The following CMYA5 variants were observed in gnomAD, a reference collection of about 807,000 sequenced individuals.
The protein encoded by CMYA5 is cardiomyopathy-associated protein 5.
Under a neutral mutation model 318.9 loss-of-function variants are expected in CMYA5, and 246 were observed. That is an observed-to-expected ratio of 0.77 (90% CI 0.70 to 0.86). The LOEUF (loss-of-function observed/expected upper bound fraction) is 0.86, where lower values mean the gene tolerates loss of function less well. Ranked by LOEUF, CMYA5 falls within the 40% of genes least tolerant of loss-of-function variation. The pLI is 0.00. For synonymous variants in CMYA5, 1,641 were observed against 1,729.5 expected (o/e 0.95, Z 1.27); for missense variants, 4,589 against 4,678.2 (o/e 0.98, Z 0.56).
At chr5:79,742,193 T>A (rs1828230145) in intron 2 of CMYA5, among the ~76,000 whole-genome samples, 1 of 147,100 alleles carries the variant, frequency 6.8e-6, no homozygotes, top group African/African-American at 2.5e-5. Context: ...TTCTTCCTTT[T>A]TTCTTCTTTC....
At chr5:79,703,550 GGT>G (rs1160855199) in intron 1 of CMYA5, among the ~76,000 whole-genome samples, 7 of 152,140 alleles carry the variant, frequency 4.6e-5, no homozygotes, top group Non-Finnish European at 8.8e-5. Context: ...GTATGCCTAG[GGT>G]AATCCTCCTT....
Position 79,763,178 on chromosome 5 carries a change from AGACAGCACTCTCCTGAGGGAGAG to A in CMYA5, c.11526_11548del (p.Gln3843ProfsTer15). Reference sequence around the variant, plus strand: ...GGAGACCTACACTCTGGAGTACTGCAGACAGCACTCTCCTGAGGGAGAGGGCCTCAGGTGAGGGGCCCTCTCCA... The same window carrying A: ...GGAGACCTACACTCTGGAGTACTGCAGGCCTCAGGTGAGGGGCCCTCTCCA... On this transcript the variant is annotated frameshift_variant, in exon 9 of 13. Transcript: ENST00000446378. LOFTEE classifies it high-confidence loss of function. 1 of 1,611,026 alleles carries A rather than the reference AGACAGCACTCTCCTGAGGGAGAG, an allele frequency of 6.2e-7. No individual in the cohort carries two copies. The highest frequency in any genetic ancestry group is 8.5e-7 in the Non-Finnish European group (1 of 1,178,986).
intron 9 of CMYA5, among the ~76,000 whole-genome samples, chr5:79,788,202 G>A (rs936527028): frequency 1.3e-5 from 2 of 149,332 alleles, no homozygotes; most frequent in South Asian, 2.1e-4. Flanking sequence ...TAAAGAAAGA[G>A]CCCTGCTTGC....
chr5:79,754,782 T>A (rs1314440796), intron 6 of CMYA5, among the ~76,000 whole-genome samples: 1 of 152,126 alleles, frequency 6.6e-6, no homozygotes, highest in African/African-American at 2.4e-5. Context: ...CCAGAACTCT[T>A]CATCTTGCAA....
In CMYA5 at chr5:79,732,567, C is replaced by G. The variant is rs776881050; in HGVS notation, c.3802C>G (p.Gln1268Glu). 6 of 1,612,928 alleles carry G rather than the reference C, an allele frequency of 3.7e-6. No homozygotes were observed. The South Asian group carries it at 6.6e-5, about 18-fold the overall frequency. ...LVLNVTSELE[Q>E]RKLSKNEPEV... is the part of the protein sequence containing the mutation. Reference sequence around the variant, plus strand: ...TCTAAATGTGACTTCTGAACTAGAACAGAGAAAGTTGTCCAAGAATGAGCC... The same window carrying G: ...TCTAAATGTGACTTCTGAACTAGAAGAGAGAAAGTTGTCCAAGAATGAGCC... Residue 1268 changes from glutamine to glutamate, a missense_variant, in exon 2 of 13, where the codon CAG becomes GAG. By Grantham distance (29) the Gln-to-Glu change is conservative (BLOSUM62 2). Around this residue, in one of 3 missense-constraint regions of CMYA5, gnomAD observed 2,132 missense variants for 2,131.3 expected, o/e 1.00. Transcript: ENST00000446378.
intron 9 of CMYA5, among the ~76,000 whole-genome samples, chr5:79,768,317 T>G (rs1315203987): frequency 6.6e-6 from 1 of 152,202 alleles, no homozygotes; most frequent in Non-Finnish European, 1.5e-5. Flanking sequence ...TTAATATTGT[T>G]TTATGTGAAT....
intron 1 of CMYA5, among the ~76,000 whole-genome samples, chr5:79,722,952 G>A (rs1294442569): frequency 6.6e-6 from 1 of 152,022 alleles, no homozygotes; most frequent in Admixed American, 6.6e-5. Context: ...ATATTAAATT[G>A]CTAACTAAAA....
intron 10 of CMYA5, among the ~76,000 whole-genome samples, chr5:79,790,768 T>C (rs1829162859): frequency 6.6e-6 from 1 of 152,230 alleles, no homozygotes; most frequent in South Asian, 2.1e-4. Flanking sequence ...GACGTGCCTA[T>C]GGCACCACGT....
chr5:79,709,412 A>C (rs930237387), intron 1 of CMYA5, among the ~76,000 whole-genome samples: 1 of 152,242 alleles, frequency 6.6e-6, no homozygotes, highest in Admixed American at 6.5e-5. Flanking sequence ...ACATGATGGA[A>C]TGCTATGTTA....
At chr5:79,755,693 A>C (rs947495788) in intron 6 of CMYA5, among the ~76,000 whole-genome samples, 9 of 152,212 alleles carry the variant, frequency 5.9e-5, no homozygotes, top group African/African-American at 2.2e-4. Flanking sequence ...TCCAGCCATT[A>C]TTATTAGATT....
intron 1 of CMYA5, among the ~76,000 whole-genome samples, chr5:79,704,633 A>T (rs1052735346): frequency 3.3e-5 from 5 of 152,190 alleles, no homozygotes; most frequent in South Asian, 4.2e-4. Flanking sequence ...TCTCTTTGGG[A>T]AATAATTTTC....
Position 79,729,998 on chromosome 5 carries a change from C to T in CMYA5, c.1233C>T (p.Asp411=), listed in dbSNP as rs960869759. 4 of 1,614,034 alleles carry T rather than the reference C, an allele frequency of 2.5e-6. No homozygotes were observed. The highest frequency in any genetic ancestry group is 3.4e-6 in the Non-Finnish European group (4 of 1,179,888). ...CAGGAACTGCAGCTTCAGAGAATGA[C>T]TCTTCAGTCTCACCATCATTTGCTA... ...ASPGTAASEN[D]SSVSPSFANE... Residue 411 remains aspartate (D), a synonymous_variant, in exon 2 of 13, where the codon GAC becomes GAT. Coordinates refer to ENST00000446378, the MANE Select transcript of CMYA5 (RefSeq NM_153610.5).
At position 79,735,696 on chromosome 5, in the gene CMYA5, G is replaced by A. The variant is rs375357194; in HGVS notation, c.6931G>A (p.Asp2311Asn). 190 of 1,604,512 alleles carry A rather than the reference G, an allele frequency of 1.2e-4. No homozygotes were observed. Among genetic ancestry groups the A allele is most frequent in the Admixed American group, 2.6e-4 (15 of 57,568 alleles). Residue 2311 changes from aspartate to asparagine, a missense_variant, in exon 2 of 13, where the codon GAT becomes AAT. Asp to Asn is a conservative substitution (Grantham distance 23, BLOSUM62 1). Coordinates refer to ENST00000446378, the MANE Select transcript of CMYA5 (RefSeq NM_153610.5). The part of the protein sequence containing the change: ...MNINSVVTSA[D>N]GENLEIQSYS... ...CATAAACTCAGTAGTTACTTCTGCT[G>A]ATGGTGAGAACCTTGAAATTCAATC... is the stretch of plus-strand genomic sequence containing the variant.
chr5:79,706,195 G>T (rs940949116), intron 1 of CMYA5, among the ~76,000 whole-genome samples: 1 of 152,140 alleles, frequency 6.6e-6, no homozygotes, highest in African/African-American at 2.4e-5. Flanking sequence ...TAGTGAGGGC[G>T]GGGGTAGGTT....
rs1421018221 is a variant in CMYA5, at chr5:79,799,522, A to T, written c.12116A>T (p.Asn4039Ile). 1 of 1,613,976 alleles carries T rather than the reference A, an allele frequency of 6.2e-7. No homozygotes were observed. Among genetic ancestry groups the T allele is most frequent in the Non-Finnish European group, 8.5e-7 (1 of 1,179,880 alleles). The change falls in exon 13 of 13, where the codon AAT (asparagine) becomes ATT (isoleucine). Residue 4039 changes from asparagine to isoleucine, a missense_variant. Transcript: ENST00000446378. ...QLLFIIRHRFNEGVHPAFALE... is the reference protein window; with the variant it reads ...QLLFIIRHRFIEGVHPAFALE... The stretch of plus-strand genomic sequence containing the variant: ...CTCTTCATCATCAGGCACAGGTTTA[A>T]TGAGGGTGTCCACCCTGCCTTTGCC...
chr5:79,705,418 A>AT (rs201773583), intron 1 of CMYA5, among the ~76,000 whole-genome samples: 29,114 of 148,582 alleles, frequency 0.2, 2,837 homozygotes, highest in East Asian at 0.36. Context: ...TAGATATAGT[A>AT]TTTTTTTTTT....
chr5:79,696,121 TGTTG>T lies in CMYA5; in HGVS notation c.149+6070_149+6073del, dbSNP rs1437283036. Among the ~76,000 whole-genome samples, 13 of 152,316 alleles carry T rather than the reference TGTTG, an allele frequency of 8.5e-5. No homozygotes were observed. In the East Asian group the frequency reaches 2.5e-3, roughly 29 times the overall value. On this transcript the variant is annotated intron_variant, in intron 1 of 12. Transcript: ENST00000446378. Reference sequence around the variant, plus strand: ...AACTTGTTAGATCAGGTAAGATTTTTGTTGGTTGTTGACAGTTCATTTACCAGGG... The same window carrying T: ...AACTTGTTAGATCAGGTAAGATTTTTGTTGTTGACAGTTCATTTACCAGGG...
chr5:79,778,085 G>A (rs1828973949), intron 9 of CMYA5: 1 of 152,052 alleles, frequency 6.6e-6, no homozygotes, highest in Non-Finnish European at 1.5e-5. Context: ...TCATGCCACT[G>A]GACTCCAGCC....
chr5:79,703,636 G>C (rs1367980571), intron 1 of CMYA5, among the ~76,000 whole-genome samples: 1 of 152,178 alleles, frequency 6.6e-6, no homozygotes, highest in East Asian at 1.9e-4. Flanking sequence ...GGAGAAATCA[G>C]ACTCCAGTAG....
Sources: allele counts gnomAD v4.1 joint callset (sites outside exome capture counted in the v4.1 genomes callset), GRCh38; gene constraint gnomAD v4.1.1; regional missense constraint gnomAD v4.1.1; transcripts MANE v1.5; gene names NCBI Gene and HGNC (gene_info 2026-07-23, HGNC 2026-07-21).